The following RNF212B variants were observed in gnomAD, a reference collection of about 807,000 sequenced individuals.
The protein encoded by RNF212B is ring finger protein 212B.
Under a neutral mutation model 55.5 loss-of-function variants are expected in RNF212B, and 52 were observed. That is an observed-to-expected ratio of 0.94 (90% CI 0.75 to 1.18). The LOEUF (loss-of-function observed/expected upper bound fraction) is 1.18. RNF212B is among the 50% of genes most tolerant of loss of function. The pLI is 0.00. For missense variants in RNF212B, 289 were observed against 350.4 expected (o/e 0.82, Z 1.40); for synonymous variants, 99 against 121.4 (o/e 0.82, Z 1.21).
chr14:23,221,920 T>C (rs1327902104), intron 2 of RNF212B, among the ~76,000 whole-genome samples: 3 of 152,020 alleles, frequency 2.0e-5, no homozygotes, highest in Non-Finnish European at 2.9e-5. Flanking sequence ...AGAAGGAAAC[T>C]GAAAAGTGCC....
At chr14:23,241,052 T>G (rs965003279) in intron 2 of RNF212B, among the ~76,000 whole-genome samples, 1 of 152,156 alleles carries the variant, frequency 6.6e-6, no homozygotes, top group African/African-American at 2.4e-5. Context: ...TTTTTTTTAA[T>G]GCTGCAATAC....
At chr14:23,236,990 G>A (rs1382393922), upstream of RNF212B, among the ~76,000 whole-genome samples, 2 of 141,696 alleles carry the variant, frequency 1.4e-5, no homozygotes, top group African/African-American at 5.4e-5. Context: ...TTGAGGCAGT[G>A]TCTTGCTCCC....
At chr14:23,251,364 A>T (rs1210442110) in intron 4 of RNF212B, among the ~76,000 whole-genome samples, 1 of 152,192 alleles carries the variant, frequency 6.6e-6, no homozygotes, top group Non-Finnish European at 1.5e-5. Flanking sequence ...ACCAGCCACA[A>T]ATGGGGTACC....
upstream of RNF212B, among the ~76,000 whole-genome samples, chr14:23,237,420 G>A (rs1303114968): frequency 3.3e-5 from 5 of 152,072 alleles, no homozygotes. Flanking sequence ...GTGAGCCACC[G>A]CCCCTGGCCA....
intron 2 of RNF212B, among the ~76,000 whole-genome samples, chr14:23,225,354 T>C (rs1329189222): frequency 2.0e-5 from 3 of 152,194 alleles, no homozygotes; most frequent in African/African-American, 7.2e-5. Context: ...ATATCTGCAC[T>C]CCCTTGTGTG....
At chr14:23,234,765 A>G (rs1295688437), upstream of RNF212B, among the ~76,000 whole-genome samples, 2 of 152,246 alleles carry the variant, frequency 1.3e-5, no homozygotes, top group Non-Finnish European at 2.9e-5. Context: ...TTTTCCAGTG[A>G]AAACTTTTAT....
At chr14:23,186,342 G>A (rs1009811279) in intron 1 of RNF212B, among the ~76,000 whole-genome samples, 3 of 89,440 alleles carry the variant, frequency 3.4e-5, no homozygotes, top group Non-Finnish European at 5.0e-5. Flanking sequence ...ATTAAATTTT[G>A]AGCATTTTTT....
At chr14:23,196,273 C>G (rs1477874972) in intron 2 of RNF212B, among the ~76,000 whole-genome samples, 2 of 152,138 alleles carry the variant, frequency 1.3e-5, no homozygotes, top group Non-Finnish European at 2.9e-5. Flanking sequence ...TGTCATTATT[C>G]TTTCTGCTCT....
At chr14:23,193,182 CAATGTCTTCAA>C (rs773452224) in intron 1 of RNF212B, 18 of 150,434 alleles carry the variant, frequency 1.2e-4, no homozygotes, top group Non-Finnish European at 2.5e-4. Context: ...TTAAATGGAG[CAATGTCTTCAA>C]AATTGAGAAG....
chr14:23,202,743 C>G (rs1489428957), intron 2 of RNF212B, among the ~76,000 whole-genome samples: 1 of 151,082 alleles, frequency 6.6e-6, no homozygotes, highest in Non-Finnish European at 1.5e-5. Flanking sequence ...CCCAGCTACT[C>G]GAGAGGCTGA....
intron 9 of RNF212B, 121 bp downstream of exon 9, chr14:23,263,091 G>GA (rs1555320542): frequency 1.4e-6 from 1 of 701,100 alleles, no homozygotes; most frequent in East Asian, 3.1e-5. Flanking sequence ...TAAAGCTAGG[G>GA]TTTTTTTTTT....
At chr14:23,266,868 G>T (rs992315943) in intron 11 of RNF212B, among the ~76,000 whole-genome samples, 2 of 152,198 alleles carry the variant, frequency 1.3e-5, no homozygotes, top group Non-Finnish European at 2.9e-5. Flanking sequence ...CAATTAGTAT[G>T]CTTCTGTTTC....
chr14:23,190,054 C>T (rs561237455), intron 1 of RNF212B, among the ~76,000 whole-genome samples: 14 of 152,190 alleles, frequency 9.2e-5, no homozygotes, highest in South Asian at 8.3e-4. Context: ...ATTGATCTTA[C>T]GGCAGCATGT....
rs34260336 is a variant in RNF212B at position 23,263,091 on chromosome 14, GT to G, written c.524+132del. ...GTCTATGTAGAAGTTTAAAGCTAGG[GT>G]TTTTTTTTTTCCCTAAGCCAAACTG... On this transcript the variant is annotated intron_variant, in intron 9 of 14. Coordinates refer to ENST00000430154, the MANE Select transcript of RNF212B (RefSeq NM_001282322.3). The G allele has an allele frequency of 8.2e-3, 5,638 of 688,302 alleles. 23 individuals are homozygous for G. Among genetic ancestry groups the G allele is most frequent in the African/African-American group, 0.028 (1,480 of 53,530 alleles). 42.6% of individuals were successfully genotyped at this position (688,302 alleles called of 1,614,324 possible).
At chr14:23,193,273 T>C (rs982163209) in intron 1 of RNF212B, 1 of 152,062 alleles carries the variant, frequency 6.6e-6, no homozygotes, top group Non-Finnish European at 1.5e-5. Flanking sequence ...TAAAATAAAA[T>C]CTCTATCAAA....
At chr14:23,264,087 G>GA in intron 9 of RNF212B, 87 bp from the exon 10 acceptor site, 4 of 1,150,354 alleles carry the variant, frequency 3.5e-6, no homozygotes, top group Non-Finnish European at 3.7e-6. Flanking sequence ...GACTCTGTCT[G>GA]AAAAAAACCA....
chr14:23,252,373 C>T (rs1336966032), intron 4 of RNF212B, among the ~76,000 whole-genome samples: 4 of 151,764 alleles, frequency 2.6e-5, no homozygotes, highest in Non-Finnish European at 5.9e-5. Context: ...CAAAATCAGC[C>T]CATTAAAAAA....
intron 7 of RNF212B, chr14:23,261,326 T>G (rs1177877739): frequency 6.4e-6 from 1 of 156,426 alleles, no homozygotes; most frequent in Non-Finnish European, 1.4e-5. Context: ...GCTAAGAACA[T>G]AAAGTACATT....
At position 23,260,692 on chromosome 14, in the gene RNF212B, GT is replaced by G; in HGVS notation, c.434+9del. Reference sequence around the variant, plus strand: ...AAGTCGGTACCAAGGAAGCAGGTCAGTTTTATCAGCTCCCATACTAGCCCAG... The same window carrying G: ...AAGTCGGTACCAAGGAAGCAGGTCAGTTTATCAGCTCCCATACTAGCCCAG... On this transcript the variant is annotated splice_donor_region_variant and intron_variant, in intron 7 of 14. Transcript: ENST00000430154. 6.4e-7 allele frequency: 1 copy of G among 1,550,400 alleles called. No homozygotes were observed. Among genetic ancestry groups the G allele is most frequent in the Non-Finnish European group, 8.7e-7 (1 of 1,146,884 alleles).
Sources: gnomAD v4.1 joint callset for allele counts (sites outside exome capture counted in the v4.1 genomes callset) on GRCh38, gnomAD v4.1.1 for gene constraint, MANE v1.5 for transcripts, NCBI Gene and HGNC (gene_info 2026-07-23, HGNC 2026-07-21) for gene names.